Variants in XKR4 observed in about 807,000 individuals in gnomAD.
XKR4 encodes the protein XK related 4, also known as XK-related protein 4.
A neutral mutation model predicts 53.9 loss-of-function variants in XKR4; 12 were observed. That is an observed-to-expected ratio of 0.22 (90% confidence interval 0.14 to 0.36). XKR4 has a LOEUF of 0.36. Among genes scored for constraint, XKR4 ranks in the 10% least tolerant of loss-of-function variants. The pLI is 1.00. For missense variants in XKR4, 799 were observed against 859.5 expected, an observed-to-expected ratio of 0.93 and a Z score of 0.88; for synonymous variants, 354 against 362.4, an observed-to-expected ratio of 0.98 and a Z score of 0.26.
chr8:55,114,205 C>T (rs976329597), intron 1 of XKR4, among the ~76,000 whole-genome samples: 44 of 152,264 alleles, frequency 2.9e-4, no homozygotes, highest in South Asian at 1.0e-3. Context: ...TGTATGAAAG[C>T]GTTCCCTTTT....
intron 1 of XKR4, among the ~76,000 whole-genome samples, chr8:55,350,809 G>A (rs1450132430): frequency 4.1e-5 from 6 of 147,064 alleles, no homozygotes; most frequent in Admixed American, 1.4e-4. Context: ...GCACGATCTC[G>A]GTTCACTGCA....
At chr8:55,217,340 T>C (rs1817817547) in intron 1 of XKR4, among the ~76,000 whole-genome samples, 1 of 151,938 alleles carries the variant, frequency 6.6e-6, no homozygotes, top group South Asian at 2.1e-4. Flanking sequence ...ATTAGTAATC[T>C]GAGAAATTCA....
chr8:55,420,097 G>A (rs112436791), intron 2 of XKR4, among the ~76,000 whole-genome samples: 2,837 of 152,076 alleles, frequency 0.019, 34 homozygotes, highest in Middle Eastern at 0.038. Context: ...GTTTTGATGT[G>A]GTTTGGGCTT....
chr8:55,254,153 T>A (rs2129370116), intron 1 of XKR4, among the ~76,000 whole-genome samples: 1 of 152,198 alleles, frequency 6.6e-6, no homozygotes, highest in Non-Finnish European at 1.5e-5. Flanking sequence ...TAATCGAGCC[T>A]TTCTTCTTAT....
At chr8:55,434,439 G>T (rs1805146764) in intron 2 of XKR4, among the ~76,000 whole-genome samples, 1 of 151,830 alleles carries the variant, frequency 6.6e-6, no homozygotes, top group Non-Finnish European at 1.5e-5. Context: ...GTGTGTGTGT[G>T]TGTATGCAGA....
chr8:55,154,342 A>G (rs746786498), intron 1 of XKR4, among the ~76,000 whole-genome samples: 25 of 152,214 alleles, frequency 1.6e-4, no homozygotes, highest in Non-Finnish European at 3.2e-4. Context: ...AAAGGCTCAC[A>G]TCGTTCTTGT....
At chr8:55,348,845 C>G (rs770205343) in intron 1 of XKR4, among the ~76,000 whole-genome samples, 5 of 151,834 alleles carry the variant, frequency 3.3e-5, no homozygotes, top group Non-Finnish European at 5.9e-5. Context: ...GACAGATATA[C>G]AGATAGAGAG....
intron 1 of XKR4, among the ~76,000 whole-genome samples, chr8:55,214,202 T>C (rs1432700709): frequency 6.6e-6 from 1 of 152,152 alleles, no homozygotes; most frequent in Non-Finnish European, 1.5e-5. Context: ...TCAGACAAAG[T>C]AAAATAAAAA....
At chr8:55,400,321 T>C (rs1422462628) in intron 2 of XKR4, among the ~76,000 whole-genome samples, 3 of 152,152 alleles carry the variant, frequency 2.0e-5, no homozygotes. Context: ...TCTGCCAAAA[T>C]ATTGTCTCTC....
intron 1 of XKR4, among the ~76,000 whole-genome samples, chr8:55,122,997 C>T (rs6980811): frequency 0.85 from 129,142 of 152,102 alleles, 54,937 homozygotes; most frequent in East Asian, 0.93. Context: ...TTGTACCTGA[C>T]ATTTATCTGT....
intron 1 of XKR4, among the ~76,000 whole-genome samples, chr8:55,308,293 G>C (rs1434055267): frequency 6.6e-6 from 1 of 152,086 alleles, no homozygotes; most frequent in Non-Finnish European, 1.5e-5. Flanking sequence ...GATACTACCA[G>C]AGACTGGGTA....
chr8:55,154,244 A>G (rs1816877141), intron 1 of XKR4, among the ~76,000 whole-genome samples: 1 of 152,180 alleles, frequency 6.6e-6, no homozygotes, highest in Non-Finnish European at 1.5e-5. Flanking sequence ...TAATCCTTAA[A>G]AAGTTGAAAA....
chr8:55,318,145 G>A (rs1322327173), intron 1 of XKR4, among the ~76,000 whole-genome samples: 2 of 152,034 alleles, frequency 1.3e-5, no homozygotes, highest in Non-Finnish European at 2.9e-5. Context: ...AGGGTTACTG[G>A]GAGACAGGCA....
Position 55,536,747 on chromosome 8 carries a change from G to C in XKR4, c.*12520G>C, listed in dbSNP as rs1293701336. The C allele has an allele frequency of 2.1e-4, 32 of 152,226 alleles. 1 individual carries two copies. The highest frequency in any genetic ancestry group is 2.1e-3 in the Admixed American group (32 of 15,290). 9.4% of individuals were successfully genotyped at this position (152,226 alleles called of 1,614,324 possible). ...TTTTATTTACTTTCAGCAAACACAT[G>C]AATGAAAGAGGTCAGGTAGGCTGTC... On this transcript the variant is annotated 3_prime_UTR_variant, in exon 3 of 3. Transcript: ENST00000327381.
chr8:55,497,620 C>G (rs1202991455), intron 2 of XKR4, among the ~76,000 whole-genome samples: 1 of 152,236 alleles, frequency 6.6e-6, no homozygotes, highest in South Asian at 2.1e-4. Flanking sequence ...ATCCTTGAGT[C>G]TTCTTGTTCA....
At chr8:55,143,868 C>G (rs1422535155) in intron 1 of XKR4, among the ~76,000 whole-genome samples, 1 of 152,164 alleles carries the variant, frequency 6.6e-6, no homozygotes, top group African/African-American at 2.4e-5. Flanking sequence ...GGCGTAGGAG[C>G]CTCCCCTTAG....
At chr8:55,469,626 T>C (rs1257976385) in intron 2 of XKR4, among the ~76,000 whole-genome samples, 2 of 152,084 alleles carry the variant, frequency 1.3e-5, no homozygotes, top group African/African-American at 4.8e-5. Flanking sequence ...TAGCATAATA[T>C]AGCAGAACTT....
At chr8:55,489,134 A>G (rs1806237074) in intron 2 of XKR4, among the ~76,000 whole-genome samples, 1 of 152,186 alleles carries the variant, frequency 6.6e-6, no homozygotes, top group Admixed American at 6.6e-5. Flanking sequence ...CCTAATGTAA[A>G]CAGTAGGCTT....
rs76823754 is a variant in XKR4 at position 55,493,178 on chromosome 8, G to A, written c.1007-30103G>A. 4.1e-3 allele frequency among the ~76,000 whole-genome samples: 631 copies of A among 152,326 alleles called. 4 individuals are homozygous for A. The highest frequency in any genetic ancestry group is 0.014 in the African/African-American group (579 of 41,572). On this transcript the variant is annotated intron_variant, in intron 2 of 2. Coordinates refer to ENST00000327381, the MANE Select transcript of XKR4 (RefSeq NM_052898.2). ...AAATTAAGGAATTAAGAGACAAAAT[G>A]TGGGAGCTAAAGGAGCAAAAATTGG... is the stretch of plus-strand genomic sequence containing the variant.
Sources: allele counts gnomAD v4.1 joint callset (sites outside exome capture counted in the v4.1 genomes callset), GRCh38; gene constraint gnomAD v4.1.1; transcripts MANE v1.5; gene names NCBI Gene and HGNC (gene_info 2026-07-23, HGNC 2026-07-21).